GPR149: variants seen among roughly 807,000 people sequenced by gnomAD.
GPR149 encodes the protein probable G protein-coupled receptor 149.
In GPR149, 50 loss-of-function variants were observed where a neutral mutation model predicts 50.2. That is an observed-to-expected ratio of 1.00 (90% confidence interval 0.79 to 1.26). The LOEUF is 1.26. GPR149 is among the 50% of genes most tolerant of loss of function. The pLI, the probability that GPR149 is intolerant of heterozygous loss-of-function variation, is 0.00. For synonymous variants in GPR149, 405 were observed against 358.2 expected, an observed-to-expected ratio of 1.13 and a Z score of -1.48; for missense variants, 983 against 895.4, an observed-to-expected ratio of 1.10 and a Z score of -1.25.
intron 3 of GPR149, chr3:154,352,684 A>G: frequency 1.3e-6 from 1 of 781,000 alleles, no homozygotes; most frequent in South Asian, 1.3e-5. Flanking sequence ...CTCTTCTATC[A>G]GTCTCTGAGC....
intron 2 of GPR149, among the ~76,000 whole-genome samples, chr3:154,426,871 C>CGTGTGTGTGTGT (rs61087162): frequency 6.9e-6 from 1 of 144,434 alleles, no homozygotes; most frequent in Admixed American, 6.9e-5. Context: ...TGGACCAGGG[C>CGTGTGTGTGTGT]GTGTGTGTGT....
chr3:154,376,641 T>A (rs1026168787), intron 3 of GPR149, among the ~76,000 whole-genome samples: 8 of 152,240 alleles, frequency 5.3e-5, no homozygotes, highest in African/African-American at 1.9e-4. Context: ...ATGTTTTGTC[T>A]TAGAGAAACG....
intron 3 of GPR149, among the ~76,000 whole-genome samples, chr3:154,350,733 T>A (rs990303072): frequency 2.0e-5 from 3 of 152,180 alleles, no homozygotes; most frequent in Admixed American, 2.0e-4. Context: ...TAGCTAAAAT[T>A]ATTTTGAAAA....
At chr3:154,358,453 A>G (rs1276150043) in intron 3 of GPR149, among the ~76,000 whole-genome samples, 1 of 152,174 alleles carries the variant, frequency 6.6e-6, no homozygotes, top group Non-Finnish European at 1.5e-5. Flanking sequence ...GCTCTTCTAA[A>G]AAAAATTAAA....
chr3:154,420,963 C>G lies in GPR149; in HGVS notation c.1623+76G>C, dbSNP rs916489382. On this transcript the variant is annotated intron_variant, in intron 3 of 3. Coordinates refer to ENST00000389740, the MANE Select transcript of GPR149 (RefSeq NM_001038705.3). The stretch of plus-strand genomic sequence containing the variant: ...GTTGGGCTTGATTGAATAAAACAAA[C>G]AACTGATAATGTTTTTCATGACTAT... 16 of 1,055,464 alleles carry G rather than the reference C, an allele frequency of 1.5e-5. No homozygotes were observed. In the South Asian group the frequency reaches 2.3e-4, roughly 15 times the overall value. The allele number at this position is 1,055,464 out of a possible 1,614,324, so 65.4% of individuals were successfully genotyped here.
At chr3:154,369,860 G>A (rs151167136) in intron 3 of GPR149, among the ~76,000 whole-genome samples, 6 of 152,308 alleles carry the variant, frequency 3.9e-5, no homozygotes, top group Non-Finnish European at 2.9e-5. Flanking sequence ...GCTGTAGCCC[G>A]GCAATTTGGG....
Position 154,371,994 on chromosome 3 carries a change from T to A in GPR149, c.1624-33723A>T, listed in dbSNP as rs141268655. Reference sequence around the variant, plus strand: ...TCTACCAAGGACCCCTGGATCGACATACTGGTCTCTGACTAGCCTAAAAAG... The same window carrying A: ...TCTACCAAGGACCCCTGGATCGACAAACTGGTCTCTGACTAGCCTAAAAAG... On this transcript the variant is annotated intron_variant, in intron 3 of 3. Coordinates refer to ENST00000389740, the MANE Select transcript of GPR149 (RefSeq NM_001038705.3). Among the ~76,000 whole-genome samples, 130 of 125,636 alleles carry A rather than the reference T, an allele frequency of 1.0e-3. 1 individual carries two copies. The highest frequency in any genetic ancestry group is 3.6e-3 in the African/African-American group (125 of 34,276). The allele number at this position is 125,636 out of a possible 152,430, so 82.4% of individuals were successfully genotyped here. A position where few individuals can be genotyped will look rare whatever the true frequency, so the allele number is the denominator to read the frequency against.
intron 3 of GPR149, among the ~76,000 whole-genome samples, chr3:154,414,394 A>G (rs1231192539): frequency 6.6e-6 from 1 of 152,070 alleles, no homozygotes; most frequent in African/African-American, 2.4e-5. Context: ...TATTCATAAT[A>G]TACAAAGAAT....
chr3:154,390,442 G>C (rs1715144345), intron 3 of GPR149, among the ~76,000 whole-genome samples: 2 of 151,782 alleles, frequency 1.3e-5, no homozygotes, highest in South Asian at 2.1e-4. Flanking sequence ...AAATTAACTA[G>C]AGAAGTTCAA....
intron 3 of GPR149, among the ~76,000 whole-genome samples, chr3:154,390,218 A>G (rs1715139719): frequency 6.6e-6 from 1 of 152,204 alleles, no homozygotes; most frequent in Non-Finnish European, 1.5e-5. Flanking sequence ...AATATGTTCC[A>G]AACAAAGCAA....
chr3:154,349,245 G>C (rs1371996163), intron 3 of GPR149, among the ~76,000 whole-genome samples: 3 of 151,650 alleles, frequency 2.0e-5, no homozygotes, highest in Non-Finnish European at 4.4e-5. Context: ...ATATAAAGGA[G>C]GAAAATAGAT....
intron 3 of GPR149, among the ~76,000 whole-genome samples, chr3:154,382,037 A>G (rs1047264020): frequency 5.3e-5 from 8 of 152,148 alleles, no homozygotes; most frequent in African/African-American, 1.7e-4. Flanking sequence ...GCCAGAGAAG[A>G]TTTTTTTCTA....
intron 2 of GPR149, among the ~76,000 whole-genome samples, chr3:154,424,910 T>C (rs972127515): frequency 1.3e-5 from 2 of 151,782 alleles, no homozygotes; most frequent in African/African-American, 4.8e-5. Flanking sequence ...AAAATCTGTT[T>C]TTTATACAAT....
intron 3 of GPR149, among the ~76,000 whole-genome samples, chr3:154,374,310 G>A (rs1316255910): frequency 1.3e-5 from 2 of 151,600 alleles, no homozygotes; most frequent in African/African-American, 2.4e-5. Flanking sequence ...GAGTAGCCGA[G>A]ATTACAGGTG....
chr3:154,363,111 T>A (rs918182286), intron 3 of GPR149, among the ~76,000 whole-genome samples: 1 of 151,604 alleles, frequency 6.6e-6, no homozygotes, highest in Non-Finnish European at 1.5e-5. Flanking sequence ...CAAGGGGAGG[T>A]TGAGGGGAGA....
chr3:154,352,551 T>C, intron 3 of GPR149: 2 of 775,052 alleles, frequency 2.6e-6, no homozygotes, highest in East Asian at 2.4e-5. Flanking sequence ...ACAGGTGACA[T>C]CCTGTATTTC....
chr3:154,353,293 C>T, intron 3 of GPR149: 1 of 1,423,146 alleles, frequency 7.0e-7, no homozygotes, highest in Non-Finnish European at 9.9e-7. Flanking sequence ...ATAAGGTCAA[C>T]CTGTTCATAT....
chr3:154,377,809 A>T (rs542348228), intron 3 of GPR149, among the ~76,000 whole-genome samples: 1 of 152,310 alleles, frequency 6.6e-6, no homozygotes, highest in Non-Finnish European at 1.5e-5. Context: ...GTTTTAGAAC[A>T]GTTCCATTAT....
At chr3:154,404,109 A>C (rs1453807732) in intron 3 of GPR149, among the ~76,000 whole-genome samples, 2 of 152,220 alleles carry the variant, frequency 1.3e-5, no homozygotes, top group African/African-American at 2.4e-5. Context: ...AATATTTCTA[A>C]CCTGTTTTAC....
Sources: gnomAD v4.1 joint callset for allele counts (sites outside exome capture counted in the v4.1 genomes callset) on GRCh38, gnomAD v4.1.1 for gene constraint, MANE v1.5 for transcripts, NCBI Gene and HGNC (gene_info 2026-07-23, HGNC 2026-07-21) for gene names.